Variants in GHR observed in about 807,000 individuals in gnomAD.
GHR encodes the protein GH receptor.
Under a neutral mutation model 67.1 loss-of-function variants are expected in GHR, and 35 were observed. That is an observed-to-expected ratio of 0.52 (90% CI 0.40 to 0.69). The LOEUF is 0.69. Among genes scored for constraint, GHR ranks in the 30% least tolerant of loss-of-function variants. The pLI is 0.00. For missense variants in GHR, 792 were observed against 764.6 expected (o/e 1.04, Z -0.42); for synonymous variants, 272 against 269.1 (o/e 1.01, Z -0.10).
chr5:42,500,679 G>A (rs1267055679), intron 1 of GHR, among the ~76,000 whole-genome samples: 1 of 152,000 alleles, frequency 6.6e-6, no homozygotes, highest in Admixed American at 6.6e-5. Flanking sequence ...ATGCCTCTTT[G>A]GTCACTGTGA....
At chr5:42,510,663 G>A (rs1297568977) in intron 1 of GHR, among the ~76,000 whole-genome samples, 1 of 152,172 alleles carries the variant, frequency 6.6e-6, no homozygotes, top group Non-Finnish European at 1.5e-5. Flanking sequence ...TTGACTGAAG[G>A]CGACTCAAGG....
chr5:42,698,885 A>G (rs919859329), intron 5 of GHR, among the ~76,000 whole-genome samples: 3 of 152,242 alleles, frequency 2.0e-5, no homozygotes, highest in African/African-American at 7.2e-5. Context: ...AAATTTAGAC[A>G]TAGTTCCTAG....
At chr5:42,684,834 T>G (rs1253366423) in intron 3 of GHR, among the ~76,000 whole-genome samples, 2 of 152,160 alleles carry the variant, frequency 1.3e-5, no homozygotes, top group Non-Finnish European at 2.9e-5. Context: ...TAAAGACATA[T>G]TTGCAACTCA....
At chr5:42,648,161 C>G (rs1414119265) in intron 3 of GHR, among the ~76,000 whole-genome samples, 4 of 152,160 alleles carry the variant, frequency 2.6e-5, no homozygotes, top group African/African-American at 9.6e-5. Context: ...CCTTTATTTC[C>G]AACACAGGAA....
intron 1 of GHR, among the ~76,000 whole-genome samples, chr5:42,543,387 G>A (rs1748600461): frequency 6.6e-6 from 1 of 152,018 alleles, no homozygotes; most frequent in Non-Finnish European, 1.5e-5. Flanking sequence ...GTTTTAATTT[G>A]CATTTCCCTC....
intron 2 of GHR, among the ~76,000 whole-genome samples, chr5:42,600,473 G>A (rs151163944): frequency 1.2e-4 from 19 of 152,350 alleles, no homozygotes; most frequent in Admixed American, 1.2e-3. Flanking sequence ...ATCACTCACT[G>A]AAAGTGGGAA....
At chr5:42,717,766 TA>T (rs1758789392) in intron 8 of GHR, among the ~76,000 whole-genome samples, 1 of 152,142 alleles carries the variant, frequency 6.6e-6, no homozygotes, top group South Asian at 2.1e-4. Flanking sequence ...TGGCTGAAAA[TA>T]AAAAGCATTA....
At chr5:42,540,205 C>CAT (rs1410714272) in intron 1 of GHR, among the ~76,000 whole-genome samples, 1 of 151,898 alleles carries the variant, frequency 6.6e-6, no homozygotes, top group African/African-American at 2.4e-5. Flanking sequence ...CTCTCTCTCT[C>CAT]TCTCTCTCTC....
intron 1 of GHR, among the ~76,000 whole-genome samples, chr5:42,557,990 T>C (rs1433035255): frequency 6.6e-6 from 1 of 152,186 alleles, no homozygotes; most frequent in African/African-American, 2.4e-5. Context: ...AGTGAATTAA[T>C]GTTGGTAGCT....
In GHR at chr5:42,532,725, T is replaced by G. The variant is rs891201466; in HGVS notation, c.-11-33139T>G. On this transcript the variant is annotated intron_variant, in intron 1 of 9. Transcript: ENST00000230882. ...GTATTCTAGAATTTGCTACTTTTAC[T>G]ACAAATATTTTATTTTCAGAATTTA... Among the ~76,000 whole-genome samples the G allele has an allele frequency of 9.2e-5, 14 of 152,212 alleles. 1 individual carries two copies. Among genetic ancestry groups the G allele is most frequent in the Non-Finnish European group, 2.9e-5 (2 of 68,030 alleles).
intron 3 of GHR, among the ~76,000 whole-genome samples, chr5:42,633,860 TC>T (rs1754040204): frequency 6.6e-6 from 1 of 152,210 alleles, no homozygotes; most frequent in Admixed American, 6.5e-5. Flanking sequence ...AATTTCCTCT[TC>T]TTTCCTCTCA....
chr5:42,647,574 CAAA>C (rs36110641), intron 3 of GHR: 5,254 of 321,926 alleles, frequency 0.016, 79 homozygotes, highest in African/African-American at 0.078. Flanking sequence ...ACTGCGTCTC[CAAA>C]AAAAAAAAAA....
At chr5:42,548,858 T>C (rs1362822535) in intron 1 of GHR, among the ~76,000 whole-genome samples, 1 of 152,246 alleles carries the variant, frequency 6.6e-6, no homozygotes, top group East Asian at 1.9e-4. Context: ...ATTTTGGTTT[T>C]CAAAGGTTGT....
At chr5:42,683,535 G>A (rs527901611) in intron 3 of GHR, among the ~76,000 whole-genome samples, 1 of 152,288 alleles carries the variant, frequency 6.6e-6, no homozygotes, top group East Asian at 1.9e-4. Context: ...TTACTCAAGG[G>A]AAGGAAATAC....
At chr5:42,484,646 G>A (rs1011524334) in intron 1 of GHR, among the ~76,000 whole-genome samples, 1 of 152,210 alleles carries the variant, frequency 6.6e-6, no homozygotes, top group African/African-American at 2.4e-5. Flanking sequence ...TGCTCACTCA[G>A]GTCCACTGAG....
chr5:42,617,864 T>G (rs763152190), intron 2 of GHR, among the ~76,000 whole-genome samples: 2 of 152,122 alleles, frequency 1.3e-5, no homozygotes, highest in Non-Finnish European at 2.9e-5. Flanking sequence ...AAATTTATAT[T>G]CTAGACTTTT....
chr5:42,494,136 A>G (rs1294317522), intron 1 of GHR, among the ~76,000 whole-genome samples: 2 of 152,134 alleles, frequency 1.3e-5, no homozygotes, highest in Non-Finnish European at 2.9e-5. Flanking sequence ...TCTATAGCTG[A>G]AATATTTTAG....
intron 3 of GHR, among the ~76,000 whole-genome samples, chr5:42,672,068 G>A (rs1025994800): frequency 5.3e-5 from 8 of 152,030 alleles, no homozygotes; most frequent in South Asian, 2.1e-4. Flanking sequence ...AACTGGAAGC[G>A]TTCCCCTTGA....
intron 3 of GHR, among the ~76,000 whole-genome samples, chr5:42,659,790 C>T (rs766926725): frequency 2.0e-4 from 31 of 151,990 alleles, no homozygotes; most frequent in Admixed American, 1.4e-3. Flanking sequence ...TTGCAGGAGC[C>T]GAAGCAGGGT....
Sources: gnomAD v4.1 joint callset for allele counts (sites outside exome capture counted in the v4.1 genomes callset) on GRCh38, gnomAD v4.1.1 for gene constraint, MANE v1.5 for transcripts, NCBI Gene and HGNC (gene_info 2026-07-23, HGNC 2026-07-21) for gene names.